Variants in NRG2 observed in about 807,000 individuals in gnomAD.
NRG2 encodes the protein neuregulin 2.
In NRG2, 27 loss-of-function variants were observed where a neutral mutation model predicts 73.9. That is an observed-to-expected ratio of 0.37 (90% CI 0.27 to 0.50). NRG2 has a LOEUF of 0.50. Ranked by LOEUF, NRG2 falls within the 20% of genes least tolerant of loss-of-function variation. NRG2 has a pLI of 0.96. For synonymous variants in NRG2, 532 were observed against 541.0 expected, an observed-to-expected ratio of 0.98 and a Z score of 0.23; for missense variants, 1,126 against 1,210.1, an observed-to-expected ratio of 0.93 and a Z score of 1.03.
intron 1 of NRG2, among the ~76,000 whole-genome samples, chr5:139,922,386 AAAC>A (rs371486007): frequency 9.2e-5 from 14 of 152,328 alleles, no homozygotes; most frequent in African/African-American, 2.6e-4. Flanking sequence ...TTGCAAATTA[AAAC>A]AACAACAAGA....
At chr5:140,035,280 C>T (rs1015998251) in intron 1 of NRG2, among the ~76,000 whole-genome samples, 1 of 152,198 alleles carries the variant, frequency 6.6e-6, no homozygotes, top group African/African-American at 2.4e-5. Flanking sequence ...CAAACTACTT[C>T]TCCAAGAAAC....
At chr5:140,001,095 CCTGCTG>C (rs2126621404) in intron 1 of NRG2, among the ~76,000 whole-genome samples, 1 of 152,338 alleles carries the variant, frequency 6.6e-6, no homozygotes, top group East Asian at 1.9e-4. Flanking sequence ...TGACACGAAG[CCTGCTG>C]CTGCAGGCCC....
intron 1 of NRG2, among the ~76,000 whole-genome samples, chr5:139,999,813 C>T (rs1488369024): frequency 6.6e-6 from 1 of 152,168 alleles, no homozygotes; most frequent in Non-Finnish European, 1.5e-5. Context: ...TGGGTGAGAA[C>T]ATTTCAGTGC....
At chr5:139,945,602 T>G (rs1419299494) in intron 1 of NRG2, among the ~76,000 whole-genome samples, 6 of 152,066 alleles carry the variant, frequency 3.9e-5, no homozygotes, top group Admixed American at 3.3e-4. Flanking sequence ...CTATTTGGGG[T>G]CTTTTGTGGT....
intron 1 of NRG2, among the ~76,000 whole-genome samples, chr5:139,960,410 G>A (rs1754972436): frequency 6.6e-6 from 1 of 152,202 alleles, no homozygotes; most frequent in African/African-American, 2.4e-5. Flanking sequence ...AGCTACTCGG[G>A]AGGCTGAGGC....
At chr5:140,041,666 T>TAAAAAAA (rs762926051) in intron 1 of NRG2, among the ~76,000 whole-genome samples, 1 of 92,002 alleles carries the variant, frequency 1.1e-5, no homozygotes. Context: ...CAGAAACAGC[T>TAAAAAAA]AAAAAAAAAA....
At chr5:139,890,479 T>TC (rs1764148582) in intron 1 of NRG2, among the ~76,000 whole-genome samples, 1 of 147,758 alleles carries the variant, frequency 6.8e-6, no homozygotes, top group African/African-American at 2.5e-5. Context: ...CTTTCTTTTT[T>TC]TTTTTTTTTT....
At chr5:139,916,308 C>T (rs1044663673) in intron 1 of NRG2, among the ~76,000 whole-genome samples, 1 of 152,180 alleles carries the variant, frequency 6.6e-6, no homozygotes, top group Admixed American at 6.5e-5. Flanking sequence ...AGAATCCAGT[C>T]CTCACTGCTC....
intron 1 of NRG2, among the ~76,000 whole-genome samples, chr5:140,015,507 C>T (rs79375140): frequency 0.015 from 2,227 of 152,214 alleles, 49 homozygotes; most frequent in African/African-American, 0.047. Flanking sequence ...AAGACATTAA[C>T]GGAGATTCCA....
chr5:139,987,167 T>C (rs1757226422), intron 1 of NRG2, among the ~76,000 whole-genome samples: 1 of 149,182 alleles, frequency 6.7e-6, no homozygotes, highest in Non-Finnish European at 1.5e-5. Context: ...AGCTCAGGAG[T>C]TCAAGGCCAG....
At chr5:139,893,756 G>T (rs1402260026) in intron 1 of NRG2, among the ~76,000 whole-genome samples, 3 of 152,234 alleles carry the variant, frequency 2.0e-5, no homozygotes, top group Non-Finnish European at 4.4e-5. Context: ...GTGTGGGGAT[G>T]TGGGGAGGTC....
chr5:139,961,252 A>G (rs1478835482), intron 1 of NRG2, among the ~76,000 whole-genome samples: 1 of 152,174 alleles, frequency 6.6e-6, no homozygotes, highest in Non-Finnish European at 1.5e-5. Flanking sequence ...CTGCTACTGC[A>G]CATAAGTGCA....
intron 1 of NRG2, among the ~76,000 whole-genome samples, chr5:140,033,139 C>T (rs1446057238): frequency 6.6e-6 from 1 of 152,152 alleles, no homozygotes; most frequent in Non-Finnish European, 1.5e-5. Context: ...TGGGAAGCCA[C>T]CAGATATATT....
At chr5:139,876,433 C>G (rs1763178809) in intron 3 of NRG2, among the ~76,000 whole-genome samples, 1 of 152,006 alleles carries the variant, frequency 6.6e-6, no homozygotes, top group Non-Finnish European at 1.5e-5. Flanking sequence ...TGTGAATATA[C>G]TAAAAACCAC....
intron 1 of NRG2, among the ~76,000 whole-genome samples, chr5:139,980,451 A>G (rs1421541775): frequency 6.6e-6 from 1 of 152,104 alleles, no homozygotes; most frequent in Non-Finnish European, 1.5e-5. Context: ...CCTTAGATCC[A>G]TAGGAATGTG....
chr5:139,940,574 C>T (rs1489883599), intron 1 of NRG2, among the ~76,000 whole-genome samples: 14 of 152,074 alleles, frequency 9.2e-5, no homozygotes, highest in Non-Finnish European at 2.1e-4. Context: ...GGCAGCTCTA[C>T]AAGGTACATA....
intron 1 of NRG2, among the ~76,000 whole-genome samples, chr5:139,996,232 G>A (rs755947009): frequency 6.6e-6 from 1 of 152,094 alleles, no homozygotes; most frequent in African/African-American, 2.4e-5. Flanking sequence ...ATAGTACTTT[G>A]GAACCTGATT....
intron 1 of NRG2, among the ~76,000 whole-genome samples, chr5:139,987,100 G>T (rs142646845): frequency 2.0e-5 from 3 of 151,948 alleles, no homozygotes; most frequent in Admixed American, 2.0e-4. Context: ...GGCTAGGCAC[G>T]GTGGCTCACG....
chr5:140,004,194 G>A (rs913289329), intron 1 of NRG2, among the ~76,000 whole-genome samples: 3 of 152,180 alleles, frequency 2.0e-5, no homozygotes, highest in Non-Finnish European at 2.9e-5. Context: ...TTGCTCTTGA[G>A]TAAAGACTTC....
Sources: allele counts gnomAD v4.1 joint callset (sites outside exome capture counted in the v4.1 genomes callset), GRCh38; gene constraint gnomAD v4.1.1; transcripts MANE v1.5; gene names NCBI Gene and HGNC (gene_info 2026-07-23, HGNC 2026-07-21).